MTCL1: variants seen among roughly 807,000 people sequenced by gnomAD.
MTCL1 encodes the protein microtubule crosslinking factor 1.
Under a neutral mutation model 141.4 loss-of-function variants are expected in MTCL1, and 79 were observed. The ratio of observed to expected loss-of-function variants is 0.56; its 90% confidence interval spans 0.47 to 0.67. The LOEUF is 0.67. MTCL1 is among the 30% of genes least tolerant of loss of function. The pLI, the probability that MTCL1 is intolerant of heterozygous loss-of-function variation, is 0.00. For synonymous variants in MTCL1, 914 were observed against 875.8 expected, an observed-to-expected ratio of 1.04 and a Z score of -0.77; for missense variants, 2,177 against 2,113.9, an observed-to-expected ratio of 1.03 and a Z score of -0.59.
exon 12 of MTCL1, chr18:8,813,155 G>A: frequency 6.2e-7 from 1 of 1,614,022 alleles, no homozygotes; most frequent in East Asian, 2.2e-5. Flanking sequence ...GGGAGAAGGT[G>A]GAACTTCTCG....
intron 12 of MTCL1, among the ~76,000 whole-genome samples, chr18:8,814,192 T>C (rs1314556561): frequency 6.6e-6 from 1 of 152,110 alleles, no homozygotes; most frequent in Non-Finnish European, 1.5e-5. Context: ...TGTATGCATG[T>C]GTTGGATAGG....
chr18:8,734,105 C>T (rs1342910921), intron 4 of MTCL1, among the ~76,000 whole-genome samples: 2 of 152,018 alleles, frequency 1.3e-5, no homozygotes, highest in South Asian at 2.1e-4. Flanking sequence ...GGTTTCTCTG[C>T]TGTCGTTTTA....
chr18:8,805,120 G>T (rs689615), intron 10 of MTCL1, among the ~76,000 whole-genome samples: 39,518 of 135,972 alleles, frequency 0.29, 5,607 homozygotes, highest in East Asian at 0.51. Context: ...TATATATATA[G>T]AATTTTAGGT....
At chr18:8,742,587 C>G (rs1400770310) in intron 4 of MTCL1, among the ~76,000 whole-genome samples, 1 of 152,156 alleles carries the variant, frequency 6.6e-6, no homozygotes, top group South Asian at 2.1e-4. Context: ...AAACCACCCT[C>G]ATGATTCTGT....
intron 4 of MTCL1, among the ~76,000 whole-genome samples, chr18:8,726,540 C>A (rs1414944468): frequency 0.11 from 9,409 of 86,518 alleles, 622 homozygotes; most frequent in Admixed American, 0.24. Flanking sequence ...AGTGCGCATG[C>A]GCGCGCGCAA....
chr18:8,781,820 A>G (rs958343786), intron 5 of MTCL1, among the ~76,000 whole-genome samples: 2 of 152,192 alleles, frequency 1.3e-5, no homozygotes, highest in Non-Finnish European at 2.9e-5. Context: ...TCCGGGCAGC[A>G]TGTTTGACCC....
intron 4 of MTCL1, among the ~76,000 whole-genome samples, chr18:8,754,002 A>G (rs2096384782): frequency 1.3e-5 from 2 of 152,314 alleles, no homozygotes; most frequent in South Asian, 4.1e-4. Context: ...TCAAACTGAA[A>G]ATTTTATTGC....
In MTCL1 at chr18:8,829,271, C is replaced by A. The variant is rs1224086157; in HGVS notation, c.*18+307C>A. The A allele has an allele frequency of 3.0e-6, 3 of 985,254 alleles. No individual in the cohort carries two copies. The African/African-American group carries it at 5.2e-5, about 17-fold the overall frequency. The allele number at this position is 985,254 out of a possible 1,614,324, so 61.0% of individuals were successfully genotyped here. On this transcript the variant is annotated intron_variant, in intron 16 of 16. Coordinates refer to ENST00000359865, the Ensembl canonical transcript of MTCL1. Reference sequence around the variant, plus strand: ...TTCAGAGAATTGAGTAGATACTGGCCAGGAGGGGACATCCTAGGCACAGGG... The same window carrying A: ...TTCAGAGAATTGAGTAGATACTGGCAAGGAGGGGACATCCTAGGCACAGGG...
intron 4 of MTCL1, among the ~76,000 whole-genome samples, chr18:8,760,867 A>G (rs1044981664): frequency 6.6e-6 from 1 of 152,248 alleles, no homozygotes; most frequent in South Asian, 2.1e-4. Context: ...ATATTTTTCC[A>G]CAAATAAATT....
At position 8,785,925 on chromosome 18, in the gene MTCL1, G is replaced by A. The variant is rs542791190; in HGVS notation, c.1732-11G>A. 2.5e-5 allele frequency: 40 copies of A among 1,573,454 alleles called. No homozygotes were observed. In the South Asian group the frequency reaches 4.4e-4, roughly 17 times the overall value. Reference sequence around the variant, plus strand: ...AACAACAACAACAAATTCCTCCCGTGCACCTAACAGTCCAGACTGAAAGAG... The same window carrying A: ...AACAACAACAACAAATTCCTCCCGTACACCTAACAGTCCAGACTGAAAGAG... On this transcript the variant is annotated splice_polypyrimidine_tract_variant and intron_variant, in intron 6 of 16. Coordinates refer to ENST00000359865, the Ensembl canonical transcript of MTCL1.
chr18:8,770,642 G>A (rs2096481631), intron 4 of MTCL1, among the ~76,000 whole-genome samples: 1 of 152,118 alleles, frequency 6.6e-6, no homozygotes, highest in African/African-American at 2.4e-5. Context: ...TAGGAATTTG[G>A]GGAGACACAA....
chr18:8,818,944 C>T lies in MTCL1; in HGVS notation c.2860-19C>T, dbSNP rs758278818. The T allele has an allele frequency of 1.3e-6, 2 of 1,593,906 alleles. No homozygotes were observed. The highest frequency in any genetic ancestry group is 2.2e-5 in the South Asian group (2 of 89,042). ...ACAGAAAAGTGAGGCTAATTATTTTCATTTTTAAAATTCTCAAGTTGCAGA... is the reference window on the plus strand; with the variant it reads ...ACAGAAAAGTGAGGCTAATTATTTTTATTTTTAAAATTCTCAAGTTGCAGA... On this transcript the variant is annotated intron_variant, in intron 12 of 16. Coordinates refer to ENST00000359865, the Ensembl canonical transcript of MTCL1.
chr18:8,756,399 A>ATATATGTGTGTATATGTG (rs2096399260), intron 4 of MTCL1, among the ~76,000 whole-genome samples: 2 of 148,990 alleles, frequency 1.3e-5, no homozygotes, highest in Non-Finnish European at 3.0e-5. Context: ...GTATATATGT[A>ATATATGTGTGTATATGTG]TATATGTGTG....
At chr18:8,821,420 G>T in intron 13 of MTCL1, 47 bp from the exon 13 acceptor site, 1 of 1,286,698 alleles carries the variant, frequency 7.8e-7, no homozygotes, top group South Asian at 1.3e-5. Context: ...AGGGCTTCTG[G>T]ACAACCAAAA....
chr18:8,716,917 A>T (rs2096131961), upstream of MTCL1, among the ~76,000 whole-genome samples: 2 of 152,066 alleles, frequency 1.3e-5, no homozygotes, highest in African/African-American at 4.8e-5. Flanking sequence ...ATCTTGTGTA[A>T]CCCTTCAGTA....
At chr18:8,767,572 G>A (rs1346045122) in intron 4 of MTCL1, among the ~76,000 whole-genome samples, 3 of 152,182 alleles carry the variant, frequency 2.0e-5, no homozygotes, top group Non-Finnish European at 4.4e-5. Flanking sequence ...AGCTAATCCT[G>A]CCTGGGGGTT....
chr18:8,736,441 A>C lies in MTCL1; in HGVS notation c.357+15945A>C, dbSNP rs1440464017. Among the ~76,000 whole-genome samples the C allele has an allele frequency of 2.6e-5, 4 of 152,144 alleles. No homozygotes were observed. In the East Asian group the frequency reaches 7.7e-4, roughly 29 times the overall value. On this transcript the variant is annotated intron_variant, in intron 4 of 16. Coordinates refer to ENST00000359865, the Ensembl canonical transcript of MTCL1. ...ATACTCAGAATACTTACATTAGCCT[A>C]CAGTTGGGCAAAATCTTCTAACACA... is the stretch of plus-strand genomic sequence containing the variant.
At chr18:8,794,148 A>G (rs1403664790) in intron 8 of MTCL1, among the ~76,000 whole-genome samples, 2 of 152,216 alleles carry the variant, frequency 1.3e-5, no homozygotes, top group Non-Finnish European at 2.9e-5. Context: ...ATATTACTTG[A>G]AAGATAGATT....
intron 4 of MTCL1, among the ~76,000 whole-genome samples, chr18:8,728,471 C>T (rs1031999478): frequency 6.6e-6 from 1 of 152,204 alleles, no homozygotes; most frequent in African/African-American, 2.4e-5. Context: ...AATCTGTCTT[C>T]CTGATGACTC....
Sources: allele counts gnomAD v4.1 joint callset (sites outside exome capture counted in the v4.1 genomes callset), GRCh38; gene constraint gnomAD v4.1.1; transcripts MANE v1.5; gene names NCBI Gene and HGNC (gene_info 2026-07-23, HGNC 2026-07-21).